Variants in MAP4K5 observed in about 807,000 individuals in gnomAD.
MAP4K5 encodes mitogen-activated protein kinase kinase kinase kinase 5.
In MAP4K5, 82 loss-of-function variants were observed where a neutral mutation model predicts 135.6. The ratio of observed to expected loss-of-function variants is 0.60; its 90% CI spans 0.51 to 0.73. The LOEUF is 0.73. Among genes scored for constraint, MAP4K5 ranks in the 30% least tolerant of loss-of-function variants. The pLI, the probability that MAP4K5 is intolerant of heterozygous loss-of-function variation, is 0.00. For missense variants in MAP4K5, 907 were observed against 1,010.9 expected, an observed-to-expected ratio of 0.90 and a Z score of 1.39; for synonymous variants, 347 against 335.0, an observed-to-expected ratio of 1.04 and a Z score of -0.39.
Position 50,462,707 on chromosome 14 carries a change from A to T in MAP4K5, c.894T>A (p.Asp298Glu). The change falls in exon 13 of 33, where the codon GAT becomes GAA. Residue 298 changes from aspartate to glutamate, a missense_variant. This residue lies in a region of MAP4K5 where 690 missense variants were observed against 777.4 expected (regional missense o/e 0.89). Coordinates refer to ENST00000682126, the MANE Select transcript of MAP4K5 (RefSeq NM_006575.6). ...VELLDKVNNP[D>E]NHAHYTEADD... The stretch of plus-strand genomic sequence containing the variant: ...CTGCTTCAGTGTAATGTGCGTGGTT[A>T]TCTGGATTGTTCACTTTGTCTAACA... 2 of 1,605,670 alleles carry T rather than the reference A, an allele frequency of 1.2e-6. No homozygotes were observed. Among genetic ancestry groups the T allele is most frequent in the Non-Finnish European group, 1.7e-6 (2 of 1,177,684 alleles).
chr14:50,536,350 C>T (rs1305831500), upstream of MAP4K5, among the ~76,000 whole-genome samples: 6 of 150,782 alleles, frequency 4.0e-5, no homozygotes, highest in Non-Finnish European at 5.9e-5. Flanking sequence ...GCAGGAGAAT[C>T]GCTTGAACCC....
Position 50,440,436 on chromosome 14 carries a change from A to C in MAP4K5, c.1570T>G (p.Tyr524Asp). The change falls in exon 22 of 33, where the codon TAC (tyrosine) becomes GAC (aspartate). Residue 524 changes from tyrosine to aspartate, a missense_variant. Tyr to Asp is a radical substitution (Grantham distance 160, BLOSUM62 -3). Coordinates refer to ENST00000682126, the MANE Select transcript of MAP4K5 (RefSeq NM_006575.6). ...SWIHPDTKDQ[Y>D]IIFGTEDGIY... ...CCATCTTCAGTTCCAAAAATAATGT[A>C]CTGATCTAAAATAGTTGAGATAAAT... is the stretch of plus-strand genomic sequence containing the variant. The C allele has an allele frequency of 6.5e-7, 1 of 1,546,408 alleles. No individual in the cohort carries two copies. Among genetic ancestry groups the C allele is most frequent in the Non-Finnish European group, 8.9e-7 (1 of 1,129,016 alleles).
At chr14:50,433,693 A>G (rs1271621709) in intron 28 of MAP4K5, among the ~76,000 whole-genome samples, 1 of 152,230 alleles carries the variant, frequency 6.6e-6, no homozygotes, top group Non-Finnish European at 1.5e-5. Flanking sequence ...AGAATACAAC[A>G]GTGGTGAGTA....
intron 28 of MAP4K5, among the ~76,000 whole-genome samples, chr14:50,429,905 A>C (rs2035932218): frequency 6.6e-6 from 1 of 152,196 alleles, no homozygotes; most frequent in Non-Finnish European, 1.5e-5. Flanking sequence ...ATAACATTAA[A>C]AATTTTTTTG....
chr14:50,429,881 T>C (rs1467161866), intron 28 of MAP4K5, among the ~76,000 whole-genome samples: 1 of 152,190 alleles, frequency 6.6e-6, no homozygotes, highest in African/African-American at 2.4e-5. Context: ...TTCTAACATC[T>C]GCTGATAGAT....
chr14:50,425,516 A>AG (rs2035826543), intron 31 of MAP4K5, among the ~76,000 whole-genome samples: 1 of 152,202 alleles, frequency 6.6e-6, no homozygotes, highest in African/African-American at 2.4e-5. Context: ...CAATTTTCTT[A>AG]GATTCCCTTA....
intron 2 of MAP4K5, among the ~76,000 whole-genome samples, chr14:50,514,835 T>G (rs1268302332): frequency 4.0e-5 from 2 of 50,368 alleles, no homozygotes; most frequent in Non-Finnish European, 1.3e-4. Flanking sequence ...ATTCCTTTGA[T>G]GCTCAGGACA....
rs550714244 is a variant in MAP4K5 at position 50,453,852 on chromosome 14, G to C, written c.1015+2664C>G. ...AAATCTTGAATGGTTTGGTTCCTCT[G>C]GTGTGTGTTCTCTCTCACTGCAGGG... is the stretch of plus-strand genomic sequence containing the variant. On this transcript the variant is annotated intron_variant, in intron 14 of 32. Coordinates refer to ENST00000682126, the MANE Select transcript of MAP4K5 (RefSeq NM_006575.6). Among the ~76,000 whole-genome samples the C allele has an allele frequency of 1.5e-3, 228 of 152,120 alleles. 2 individuals carry two copies. The highest frequency in any genetic ancestry group is 1.0e-3 in the Non-Finnish European group (71 of 67,964).
At chr14:50,553,949 G>T (rs1305712002) in intron 1 of MAP4K5, among the ~76,000 whole-genome samples, 1 of 152,092 alleles carries the variant, frequency 6.6e-6, no homozygotes, top group Non-Finnish European at 1.5e-5. Context: ...GGGGACTCCG[G>T]GCAAAGGGTC....
In MAP4K5 at chr14:50,445,940, A is replaced by C. The variant is rs2036337349; in HGVS notation, c.1185+139T>G. On this transcript the variant is annotated intron_variant, in intron 17 of 32. Coordinates refer to ENST00000682126, the MANE Select transcript of MAP4K5 (RefSeq NM_006575.6). ...TCTTCTTTACTATATATTTTACACC[A>C]TCATACACTTCTTTTGAAGAAAACT... 1.2e-5 allele frequency: 6 copies of C among 511,650 alleles called. No homozygotes were observed. In the South Asian group the frequency reaches 2.2e-4, roughly 19 times the overall value. The allele number at this position is 511,650 out of a possible 1,614,324, so 31.7% of individuals were successfully genotyped here.
At chr14:50,548,609 A>G (rs935845888) in intron 1 of MAP4K5, among the ~76,000 whole-genome samples, 2 of 152,128 alleles carry the variant, frequency 1.3e-5, no homozygotes, top group African/African-American at 4.8e-5. Context: ...TCCCAGGTTC[A>G]TGCCATTCTC....
At chr14:50,463,057 A>G (rs2036747579) in intron 12 of MAP4K5, among the ~76,000 whole-genome samples, 1 of 152,226 alleles carries the variant, frequency 6.6e-6, no homozygotes, top group African/African-American at 2.4e-5. Context: ...TAGATTAGAT[A>G]TGGCTATACC....
chr14:50,464,050 A>G lies in MAP4K5; in HGVS notation c.819+2T>C. The G allele has an allele frequency of 1.3e-6, 2 of 1,518,442 alleles. No individual in the cohort carries two copies. The highest frequency in any genetic ancestry group is 1.8e-6 in the Non-Finnish European group (2 of 1,116,734). 94.1% of individuals were successfully genotyped at this position (1,518,442 alleles called of 1,614,324 possible). ...AGACCCCTCGTAATTTCAATGACTT[A>G]CAGTCAGAAGTCTTTCAGCAGTTGG... is the stretch of plus-strand genomic sequence containing the variant. On this transcript the variant is annotated splice_donor_variant, in intron 12 of 32. Coordinates refer to ENST00000682126, the MANE Select transcript of MAP4K5 (RefSeq NM_006575.6). LOFTEE classifies it high-confidence loss of function.
rs1229619680 is a variant in MAP4K5, at chr14:50,445,035, C to CCATA, written c.1339+2_1339+5dup. On this transcript the variant is annotated splice_donor_region_variant and intron_variant, in intron 18 of 32. Transcript: ENST00000682126. ...ACCCCATGGCTGCTAATAATGCTAG[C>CCATA]CATACCAATAGAAGAAGTCTCTGCC... is the stretch of plus-strand genomic sequence containing the variant. 1.1e-4 allele frequency: 170 copies of CCATA among 1,612,552 alleles called. No homozygotes were observed. Among genetic ancestry groups the CCATA allele is most frequent in the Non-Finnish European group, 1.4e-4 (165 of 1,179,198 alleles).
At chr14:50,528,331 T>C (rs2038311537) in intron 2 of MAP4K5, among the ~76,000 whole-genome samples, 1 of 127,056 alleles carries the variant, frequency 7.9e-6, no homozygotes, top group African/African-American at 3.0e-5. Flanking sequence ...TTGATGAACA[T>C]AAAAGTAAAT....
intron 13 of MAP4K5, 156 bp from the exon 14 acceptor site, chr14:50,456,750 A>G (rs1158064191): frequency 1.7e-6 from 1 of 575,630 alleles, no homozygotes; most frequent in Non-Finnish European, 3.0e-6. Context: ...ATACTTCGGA[A>G]GTTTTTTCAC....
Position 50,468,672 on chromosome 14 carries a change from A to T in MAP4K5, c.653T>A (p.Met218Lys), listed in dbSNP as rs370125730. ...AIELGELQPP[M>K]FDLHPMRALF... ...ACACCTCATTGGGTGGAGATCAAAC[A>T]TAGGTGGCTGAAGTTCTCCAAGTTC... is the stretch of plus-strand genomic sequence containing the variant. The change falls in exon 10 of 33, where the codon ATG becomes AAG. Residue 218 changes from methionine (M) to lysine (K), a missense_variant. Around this residue, in one of 3 missense-constraint regions of MAP4K5, gnomAD observed 690 missense variants for 777.4 expected, o/e 0.89. Coordinates refer to ENST00000682126, the MANE Select transcript of MAP4K5 (RefSeq NM_006575.6). 1.9e-6 allele frequency: 3 copies of T among 1,613,368 alleles called. No homozygotes were observed. The African/African-American group carries it at 4.0e-5, about 22-fold the overall frequency.
intron 12 of MAP4K5, 131 bp downstream of exon 12, chr14:50,463,921 A>ATT (rs2036771013): frequency 5.2e-6 from 1 of 193,264 alleles, no homozygotes; most frequent in East Asian, 1.2e-4. Context: ...AAAAAAAAAA[A>ATT]AAAAAAAGTT....
chr14:50,482,268 T>A, intron 6 of MAP4K5, 93 bp downstream of exon 6: 1 of 652,540 alleles, frequency 1.5e-6, no homozygotes, highest in African/African-American at 1.9e-5. Context: ...TATCATTTTA[T>A]AGTTATCAAT....
Sources: allele counts gnomAD v4.1 joint callset (sites outside exome capture counted in the v4.1 genomes callset), GRCh38; gene constraint gnomAD v4.1.1; regional missense constraint gnomAD v4.1.1; transcripts MANE v1.5; gene names NCBI Gene and HGNC (gene_info 2026-07-23, HGNC 2026-07-21).